CHRM2: variants seen among roughly 807,000 people sequenced by gnomAD.
CHRM2 encodes the protein muscarinic acetylcholine receptor M2.
Under a neutral mutation model 25.0 loss-of-function variants are expected in CHRM2, and 8 were observed. The ratio of observed to expected loss-of-function variants is 0.32; its 90% confidence interval spans 0.19 to 0.58. The LOEUF is 0.58. Ranked by LOEUF, CHRM2 falls within the 20% of genes least tolerant of loss-of-function variation. The pLI is 0.88. For missense variants in CHRM2, 440 were observed against 567.1 expected (o/e 0.78, Z 2.28); for synonymous variants, 202 against 205.7 (o/e 0.98, Z 0.15).
chr7:136,953,445 C>CA (rs1800534746), intron 2 of CHRM2, among the ~76,000 whole-genome samples: 1 of 152,070 alleles, frequency 6.6e-6, no homozygotes, highest in African/African-American at 2.4e-5. Context: ...TCCAAAATCA[C>CA]AAATATCTTA....
At chr7:136,930,442 C>A (rs547294375) in intron 2 of CHRM2, among the ~76,000 whole-genome samples, 1 of 152,092 alleles carries the variant, frequency 6.6e-6, no homozygotes, top group Non-Finnish European at 1.5e-5. Context: ...AAATCACAAT[C>A]TTCAGTGTAA....
intron 2 of CHRM2, among the ~76,000 whole-genome samples, chr7:136,967,502 C>A (rs992187401): frequency 1.3e-5 from 2 of 151,826 alleles, no homozygotes; most frequent in East Asian, 3.9e-4. Context: ...TATTGACTAA[C>A]CAAGTAGAGG....
chr7:136,897,975 C>T (rs1323675215), intron 2 of CHRM2, among the ~76,000 whole-genome samples: 2 of 152,104 alleles, frequency 1.3e-5, no homozygotes, highest in Non-Finnish European at 2.9e-5. Context: ...TCAGCTTACA[C>T]TGAGATACAC....
At chr7:136,899,016 T>C (rs1317362810) in intron 2 of CHRM2, 2 of 152,084 alleles carry the variant, frequency 1.3e-5, no homozygotes, top group East Asian at 3.9e-4. Context: ...GATGACTTTG[T>C]AGTGGTAGAC....
In CHRM2 at chr7:137,016,613, G is replaced by T. The variant is rs1033617470; in HGVS notation, c.*347G>T. 1.6e-4 allele frequency: 42 copies of T among 258,170 alleles called. No individual in the cohort carries two copies. Among genetic ancestry groups the T allele is most frequent in the Admixed American group, 1.2e-3 (24 of 19,858 alleles). The allele number at this position is 258,170 out of a possible 1,614,324, so 16.0% of individuals were successfully genotyped here. A position where few individuals can be genotyped will look rare whatever the true frequency, so the allele number is the denominator to read the frequency against. ...AGAGGAATAACCTTGTTCCTTTTTTGTTACTTTTGTTGTTGTTGTTCTCAT... is the reference window on the plus strand; with the variant it reads ...AGAGGAATAACCTTGTTCCTTTTTTTTTACTTTTGTTGTTGTTGTTCTCAT... On this transcript the variant is annotated 3_prime_UTR_variant, in exon 4 of 4. Transcript: ENST00000680005.
intron 3 of CHRM2, among the ~76,000 whole-genome samples, chr7:136,995,522 G>T (rs1000837430): frequency 6.6e-6 from 1 of 152,108 alleles, no homozygotes. Flanking sequence ...CAGTACTTTC[G>T]GAGGCCAAAG....
intron 2 of CHRM2, among the ~76,000 whole-genome samples, chr7:136,926,930 T>G (rs1273711898): frequency 6.6e-6 from 1 of 152,218 alleles, no homozygotes; most frequent in Non-Finnish European, 1.5e-5. Flanking sequence ...GTGGATCCCC[T>G]TGTTGCAGTC....
intron 2 of CHRM2, among the ~76,000 whole-genome samples, chr7:136,912,671 C>T (rs1797905032): frequency 6.6e-6 from 1 of 151,844 alleles, no homozygotes; most frequent in Admixed American, 6.6e-5. Context: ...AAAACCTTAC[C>T]ACCTAAAGTG....
chr7:136,961,274 G>A (rs1032450738), intron 2 of CHRM2, among the ~76,000 whole-genome samples: 2 of 152,052 alleles, frequency 1.3e-5, no homozygotes, highest in African/African-American at 4.8e-5. Context: ...TCTGTTTTAG[G>A]TGATTTTGCC....
intron 2 of CHRM2, among the ~76,000 whole-genome samples, chr7:136,959,747 A>C (rs1424450919): frequency 6.6e-6 from 1 of 152,116 alleles, no homozygotes; most frequent in Non-Finnish European, 1.5e-5. Context: ...CACGATCTCT[A>C]CTAAAAATAC....
intron 2 of CHRM2, among the ~76,000 whole-genome samples, chr7:136,938,039 A>G (rs1256082439): frequency 1.3e-5 from 2 of 152,176 alleles, no homozygotes; most frequent in African/African-American, 4.8e-5. Context: ...TAACTGAATC[A>G]CTGAACGTAA....
intron 2 of CHRM2, among the ~76,000 whole-genome samples, chr7:136,959,178 A>G (rs1352136018): frequency 6.6e-6 from 1 of 152,192 alleles, no homozygotes; most frequent in African/African-American, 2.4e-5. Flanking sequence ...CTCTAGATAC[A>G]TCCTTCAATT....
chr7:136,974,958 A>G (rs1802019796), intron 2 of CHRM2, among the ~76,000 whole-genome samples: 1 of 152,182 alleles, frequency 6.6e-6, no homozygotes, highest in Non-Finnish European at 1.5e-5. Context: ...ATAGAATATA[A>G]AAGAAATAGT....
At chr7:136,881,682 T>C (rs1796271283) in intron 2 of CHRM2, among the ~76,000 whole-genome samples, 1 of 152,060 alleles carries the variant, frequency 6.6e-6, no homozygotes, top group African/African-American at 2.4e-5. Context: ...GTCTTTACTT[T>C]CCTGTGATTA....
intron 2 of CHRM2, among the ~76,000 whole-genome samples, chr7:136,975,477 T>G (rs1287239618): frequency 6.6e-6 from 1 of 152,180 alleles, no homozygotes; most frequent in Non-Finnish European, 1.5e-5. Context: ...TTGGTAATTA[T>G]TTTCACAGAA....
rs369860794 is a variant in CHRM2 at position 136,892,692 on chromosome 7, CA to C, written c.-125+23275del. Among the ~76,000 whole-genome samples the C allele has an allele frequency of 6.9e-3, 948 of 137,526 alleles. 7 individuals carry two copies. Among genetic ancestry groups the C allele is most frequent in the African/African-American group, 0.025 (893 of 36,338 alleles). 90.2% of individuals were successfully genotyped at this position (137,526 alleles called of 152,430 possible). A position where few individuals can be genotyped will look rare whatever the true frequency, so the allele number is the denominator to read the frequency against. On this transcript the variant is annotated intron_variant, in intron 2 of 3. Coordinates refer to ENST00000680005, the MANE Select transcript of CHRM2 (RefSeq NM_001006630.2). The stretch of plus-strand genomic sequence containing the variant: ...AGTTCTTTTTTTTTTTTTTTTGATA[CA>C]GGGTCTTGCTCTGTTGCCCAAGCTG...
At position 137,016,232 on chromosome 7, in the gene CHRM2, T is replaced by C. The variant is rs751826842; in HGVS notation, c.1367T>C (p.Met456Thr). The C allele has an allele frequency of 1.2e-6, 2 of 1,612,944 alleles. No individual in the cohort carries two copies. Among genetic ancestry groups the C allele is most frequent in the Non-Finnish European group, 8.5e-7 (1 of 1,179,240 alleles). The change falls in exon 4 of 4, where the codon ATG becomes ACG. Residue 456 changes from methionine (M) to threonine (T), a missense_variant. By Grantham distance (81) the Met-to-Thr change is moderately conservative. Transcript: ENST00000680005. ...TFKKTFKHLL[M>T]CHYKNIGATR is the part of the protein sequence containing the mutation. ...AAGAAGACCTTTAAACACCTTCTCA[T>C]GTGTCATTATAAGAACATAGGCGCT...
chr7:136,976,199 A>C (rs1193656587), intron 2 of CHRM2, among the ~76,000 whole-genome samples: 1 of 152,146 alleles, frequency 6.6e-6, no homozygotes, highest in Non-Finnish European at 1.5e-5. Flanking sequence ...TTTTAAACTA[A>C]ATATTAAAGA....
chr7:136,978,983 G>C (rs1802299452), intron 2 of CHRM2, among the ~76,000 whole-genome samples: 1 of 152,098 alleles, frequency 6.6e-6, no homozygotes, highest in Admixed American at 6.5e-5. Context: ...GGACTGCTGG[G>C]TCAAATGGTA....
Sources: allele counts gnomAD v4.1 joint callset (sites outside exome capture counted in the v4.1 genomes callset), GRCh38; gene constraint gnomAD v4.1.1; transcripts MANE v1.5; gene names NCBI Gene and HGNC (gene_info 2026-07-23, HGNC 2026-07-21).